Variants in ZP4 observed in about 807,000 individuals in gnomAD.
ZP4 encodes zona pellucida sperm-binding protein 4.
A neutral mutation model predicts 62.3 loss-of-function variants in ZP4; 62 were observed. The ratio of observed to expected loss-of-function variants is 0.99; its 90% CI spans 0.81 to 1.23. The LOEUF is 1.23. Among genes scored for constraint, ZP4 ranks in the 50% most tolerant of loss-of-function variants. The pLI, the probability that ZP4 is intolerant of heterozygous loss-of-function variation, is 0.00. For missense variants in ZP4, 774 were observed against 656.0 expected, an observed-to-expected ratio of 1.18 and a Z score of -1.97; for synonymous variants, 289 against 247.3, an observed-to-expected ratio of 1.17 and a Z score of -1.58.
At chr1:237,883,706 G>A (rs1365285837) in intron 10 of ZP4, among the ~76,000 whole-genome samples, 1,247 of 17,054 alleles carry the variant, frequency 0.073, 367 homozygotes, top group African/African-American at 0.31. Context: ...GGGGAGGGCG[G>A]GGGAGGGCGG....
At chr1:237,883,715 G>GAGAGA (rs1664983633) in intron 10 of ZP4, among the ~76,000 whole-genome samples, 8 of 55,226 alleles carry the variant, frequency 1.4e-4, no homozygotes, top group African/African-American at 2.7e-4. Context: ...GGGGGAGGGC[G>GAGAGA]GGGGAGGGCG....
chr1:237,887,632 C>G (rs1414996664), intron 4 of ZP4, 71 bp from the exon 5 acceptor site: 36 of 1,495,650 alleles, frequency 2.4e-5, no homozygotes, highest in Non-Finnish European at 3.0e-5. Context: ...GAAAGTCTAA[C>G]CACTTAGTTA....
At position 237,882,468 on chromosome 1, in the gene ZP4, A is replaced by C. The variant is rs899905977; in HGVS notation, c.1577T>G (p.Leu526Trp). ...LILGALLVSY[L>W]AVKKQKSCPD... Reference sequence around the variant, plus strand: ...GCAACTCTTCTGTTTCTTGACAGCCAAGTAGGATACTAACAAGGCTCCAAG... The same window carrying C: ...GCAACTCTTCTGTTTCTTGACAGCCCAGTAGGATACTAACAAGGCTCCAAG... Residue 526 changes from leucine (L) to tryptophan (W), a missense_variant, in exon 12 of 12, where the codon TTG (leucine) becomes TGG (tryptophan). Transcript: ENST00000366570. 1.1e-5 allele frequency: 17 copies of C among 1,610,018 alleles called. No individual in the cohort carries two copies. Among genetic ancestry groups the C allele is most frequent in the African/African-American group, 1.3e-5 (1 of 74,524 alleles).
chr1:237,887,117 T>A (rs1665121610), intron 5 of ZP4, among the ~76,000 whole-genome samples: 1 of 152,172 alleles, frequency 6.6e-6, no homozygotes, highest in African/African-American at 2.4e-5. Context: ...CCAGTCAGCA[T>A]CCCTGCTGGT....
At chr1:237,882,954 G>A (rs1376081440) in intron 10 of ZP4, 108 bp from the exon 11 acceptor site, 33 of 771,524 alleles carry the variant, frequency 4.3e-5, no homozygotes, top group East Asian at 5.3e-5. Context: ...TTGGTTCTAT[G>A]CCTTACAAAA....
At chr1:237,889,825 C>T (rs1571935981) in intron 3 of ZP4, 42 bp downstream of exon 3, 2 of 1,446,794 alleles carry the variant, frequency 1.4e-6, no homozygotes, top group East Asian at 2.3e-5. Flanking sequence ...CACACCCCAC[C>T]CCCACCACCC....
chr1:237,885,027 T>C, intron 9 of ZP4, 138 bp downstream of exon 9: 1 of 1,301,598 alleles, frequency 7.7e-7, no homozygotes, highest in Non-Finnish European at 1.1e-6. Flanking sequence ...ATGTAATTAG[T>C]AACAAGGGTT....
Position 237,883,020 on chromosome 1 carries a change from C to T in ZP4, c.1391-174G>A, listed in dbSNP as rs374146646. The stretch of plus-strand genomic sequence containing the variant: ...ACAAGTGAGATTTTATATCTGATGC[C>T]ATTACCTTAGTTTCACCAGGACTTT... On this transcript the variant is annotated intron_variant, in intron 10 of 11. Transcript: ENST00000366570. Among the ~76,000 whole-genome samples the T allele has an allele frequency of 8.0e-4, 121 of 152,090 alleles. 1 individual carries two copies. Among genetic ancestry groups the T allele is most frequent in the African/African-American group, 2.8e-3 (117 of 41,406 alleles).
intron 3 of ZP4, 26 bp from the exon 4 acceptor site, chr1:237,888,536 G>A (rs1206090510): frequency 6.4e-7 from 1 of 1,564,004 alleles, no homozygotes. Context: ...GAGTAAGTCA[G>A]GTTAGATAAT....
intron 11 of ZP4, 55 bp downstream of exon 11, chr1:237,882,687 G>T (rs899937449): frequency 6.3e-7 from 1 of 1,596,746 alleles, no homozygotes; most frequent in Non-Finnish European, 8.6e-7. Context: ...GGAGGAAGTT[G>T]CTTTGATTAG....
rs1384258383 is a variant in ZP4, at chr1:237,884,807, TCAG to T, written c.1349_1351del (p.Ala450del). Reference sequence around the variant, plus strand: ...ACAGGTCACCACACAGGATGGTGTCTCAGCAGGCTGGCAGACTGACACGCTGCA... The same window carrying T: ...ACAGGTCACCACACAGGATGGTGTCTCAGGCTGGCAGACTGACACGCTGCA... On this transcript the variant is annotated inframe_deletion, in exon 10 of 12. Transcript: ENST00000366570. 1.5e-5 allele frequency: 24 copies of T among 1,613,398 alleles called. No individual in the cohort carries two copies. The Admixed American group carries it at 4.0e-4, about 27-fold the overall frequency.
chr1:237,883,728 GGAGGGAGAGAGAGGGA>G (rs1664986411), intron 10 of ZP4, among the ~76,000 whole-genome samples: 2 of 19,212 alleles, frequency 1.0e-4, no homozygotes, highest in African/African-American at 5.0e-4. Flanking sequence ...GGAGGGCGGG[GGAGGGAGAGAGAGGGA>G]GAGAGAGGGA....
rs1558530894 is a variant in ZP4, at chr1:237,884,002, AC to A, written c.1390+766del. On this transcript the variant is annotated intron_variant, in intron 10 of 11. Coordinates refer to ENST00000366570, the MANE Select transcript of ZP4 (RefSeq NM_021186.5). ...CACACAAACACACACACACACACAC[AC>A]ACACACACACACAAACACACACACA... Among the ~76,000 whole-genome samples, 185 of 87,858 alleles carry A rather than the reference AC, an allele frequency of 2.1e-3. 1 individual carries two copies. Among genetic ancestry groups the A allele is most frequent in the South Asian group, 2.4e-3 (5 of 2,110 alleles). The allele number at this position is 87,858 out of a possible 152,430, so 57.6% of individuals were successfully genotyped here.
intron 11 of ZP4, 43 bp downstream of exon 11, chr1:237,882,699 A>G (rs1175032364): frequency 4.4e-6 from 7 of 1,602,280 alleles, no homozygotes; most frequent in East Asian, 2.2e-5. Context: ...TTTGATTAGT[A>G]ATTTAGTTCA....
chr1:237,886,873 A>C lies in ZP4; in HGVS notation c.742-5T>G, dbSNP rs770752034. The C allele has an allele frequency of 3.1e-6, 5 of 1,610,720 alleles. No homozygotes were observed. The Admixed American group carries it at 8.3e-5, about 27-fold the overall frequency. On this transcript the variant is annotated splice_polypyrimidine_tract_variant and splice_region_variant and intron_variant, in intron 5 of 11. Coordinates refer to ENST00000366570, the MANE Select transcript of ZP4 (RefSeq NM_021186.5). ...TACTGCTCGGTCTCCAGTGATCTAC[A>C]GGAATAGATGGAGAAGTCTTGATCA...
intron 10 of ZP4, 129 bp from the exon 11 acceptor site, chr1:237,882,975 G>A (rs561920852): frequency 2.2e-5 from 14 of 631,076 alleles, no homozygotes; most frequent in Admixed American, 5.9e-5. Flanking sequence ...ACCTCATTAA[G>A]TATATTAATA....
In ZP4 at chr1:237,890,805, AT is replaced by A. The variant is rs1665225911; in HGVS notation, c.-171del. 1 of 671,866 alleles carries A rather than the reference AT, an allele frequency of 1.5e-6. No individual in the cohort carries two copies. Among genetic ancestry groups the A allele is most frequent in the Non-Finnish European group, 2.4e-6 (1 of 417,426 alleles). 41.6% of individuals were successfully genotyped at this position (671,866 alleles called of 1,614,324 possible). ...CAGAAAGGGGAATTCCTCTAGCCTC[AT>A]TTGCTTTGGGGCACAGTCTGCAGCT... On this transcript the variant is annotated 5_prime_UTR_variant, in exon 1 of 12. In the 5' UTR this introduces an upstream ATG that the reference lacks. Transcript: ENST00000366570.
chr1:237,884,053 AACACACACAAAC>A, intron 10 of ZP4, among the ~76,000 whole-genome samples: 1 of 124,340 alleles, frequency 8.0e-6, no homozygotes, highest in Non-Finnish European at 1.6e-5. Flanking sequence ...AACACACACA[AACACACACAAAC>A]ACACACAAAC....
At chr1:237,885,728 C>T in intron 7 of ZP4, 28 bp downstream of exon 7, 1 of 1,612,452 alleles carries the variant, frequency 6.2e-7, no homozygotes, top group Non-Finnish European at 8.5e-7. Context: ...AGACTATAGG[C>T]CAGATACTCC....
Sources: gnomAD v4.1 joint callset for allele counts (sites outside exome capture counted in the v4.1 genomes callset) on GRCh38, gnomAD v4.1.1 for gene constraint, MANE v1.5 for transcripts, NCBI Gene and HGNC (gene_info 2026-07-23, HGNC 2026-07-21) for gene names.